Variants in ANKRD61 observed in about 807,000 individuals in gnomAD.
ANKRD61 encodes ankyrin repeat domain 61.
A neutral mutation model predicts 8.4 loss-of-function variants in ANKRD61; 7 were observed. The observed-to-expected ratio is 0.84, with a 90% CI of 0.48 to 1.57. ANKRD61 has a LOEUF of 1.57. ANKRD61 is among the 40% of genes most tolerant of loss of function. The pLI is 0.00. For missense variants in ANKRD61, 516 were observed against 523.4 expected, an observed-to-expected ratio of 0.99 and a Z score of 0.14; for synonymous variants, 198 against 208.0, an observed-to-expected ratio of 0.95 and a Z score of 0.41.
chr7:6,035,881 G>A lies in ANKRD61; in HGVS notation c.752G>A (p.Gly251Asp), dbSNP rs530109177. ...LAVCTASSKA[G>D]RLLGAGVSCI... ...GTGTGCACTGCATCAAGCAAAGCAG[G>A]CCGACTCCTCGGGGCGGGGGTCAGC... is the stretch of plus-strand genomic sequence containing the variant. The change falls in exon 3 of 3, where the codon GGC (glycine) becomes GAC (aspartate). Residue 251 changes from glycine to aspartate, a missense_variant. Transcript: ENST00000409061. This position sits in a 1 kb window ranked among gnomAD's most constrained non-coding sequence, Gnocchi z 5.5. The A allele has an allele frequency of 1.9e-5, 30 of 1,546,906 alleles. No individual in the cohort carries two copies. The African/African-American group carries it at 4.1e-4, about 21-fold the overall frequency.
At position 6,035,435 on chromosome 7, in the gene ANKRD61, C is replaced by T; in HGVS notation, c.315-9C>T. The T allele has an allele frequency of 6.5e-7, 1 of 1,545,602 alleles. No homozygotes were observed. The highest frequency in any genetic ancestry group is 8.7e-7 in the Non-Finnish European group (1 of 1,143,194). On this transcript the variant is annotated splice_polypyrimidine_tract_variant and intron_variant, in intron 2 of 2. Coordinates refer to ENST00000409061, the MANE Select transcript of ANKRD61 (RefSeq NM_001271700.2). The surrounding 1 kb of genome is among the most constrained non-coding windows in gnomAD (Gnocchi z 5.5). Reference sequence around the variant, plus strand: ...ATTCAGTGTAACGTGTAATCAATACCCATTCTAGGGACACGACAGGCCTCA... The same window carrying T: ...ATTCAGTGTAACGTGTAATCAATACTCATTCTAGGGACACGACAGGCCTCA...
Position 6,032,809 on chromosome 7 carries a change from C to T in ANKRD61, c.217-30C>T. Reference sequence around the variant, plus strand: ...CAGTATTTTTAACTACACAGGGCCACTTGTAATGTGTTTTGTTTTCCCTCC... The same window carrying T: ...CAGTATTTTTAACTACACAGGGCCATTTGTAATGTGTTTTGTTTTCCCTCC... On this transcript the variant is annotated intron_variant, in intron 1 of 2. Coordinates refer to ENST00000409061, the MANE Select transcript of ANKRD61 (RefSeq NM_001271700.2). The surrounding 1 kb of genome is among the most constrained non-coding windows in gnomAD (Gnocchi z 4.3). The T allele has an allele frequency of 6.6e-7, 1 of 1,524,758 alleles. No individual in the cohort carries two copies. Among genetic ancestry groups the T allele is most frequent in the African/African-American group, 1.4e-5 (1 of 72,490 alleles). 94.5% of individuals were successfully genotyped at this position (1,524,758 alleles called of 1,614,324 possible).
Position 6,035,785 on chromosome 7 carries a change from C to A in ANKRD61, c.656C>A (p.Thr219Lys). The A allele has an allele frequency of 1.3e-6, 2 of 1,551,078 alleles. No individual in the cohort carries two copies. Among genetic ancestry groups the A allele is most frequent in the Non-Finnish European group, 1.7e-6 (2 of 1,147,106 alleles). ...ATGCTGAATAAGGAGATGATGGAAA[C>A]GCTCATTGCCTATGGAGCAAACGTC... Reference protein sequence around the residue: ...ANMLNKEMMETLIAYGANVNC... With the variant: ...ANMLNKEMMEKLIAYGANVNC... The change falls in exon 3 of 3, where the codon ACG becomes AAG. Residue 219 changes from threonine (T) to lysine (K), a missense_variant. By Grantham distance (78) the Thr-to-Lys change is moderately conservative. Coordinates refer to ENST00000409061, the MANE Select transcript of ANKRD61 (RefSeq NM_001271700.2). This position sits in a 1 kb window ranked among gnomAD's most constrained non-coding sequence, Gnocchi z 5.5.
Position 6,036,274 on chromosome 7 carries a change from G to C in ANKRD61, c.1145G>C (p.Arg382Thr), listed in dbSNP as rs1019225420. The C allele has an allele frequency of 2.5e-5, 38 of 1,549,594 alleles. No homozygotes were observed. Among genetic ancestry groups the C allele is most frequent in the Non-Finnish European group, 3.0e-5 (34 of 1,146,810 alleles). ...TTATCCCTACAGGGTATCTGCAAAA[G>C]AAACATCAGGAATATTTATGGTGAG... ...KPLSLQGICKRNIRNIYGEKY... is the reference protein window; with the variant it reads ...KPLSLQGICKTNIRNIYGEKY... Residue 382 changes from arginine (R) to threonine (T), a missense_variant, in exon 3 of 3, where the codon AGA (arginine) becomes ACA (threonine). Coordinates refer to ENST00000409061, the MANE Select transcript of ANKRD61 (RefSeq NM_001271700.2). The surrounding 1 kb of genome is among the most constrained non-coding windows in gnomAD (Gnocchi z 4.6).
chr7:6,035,609 C>CA lies in ANKRD61; in HGVS notation c.481dup (p.Thr161AsnfsTer38). 6.4e-7 allele frequency: 1 copy of CA among 1,551,034 alleles called. No homozygotes were observed. The highest frequency in any genetic ancestry group is 8.7e-7 in the Non-Finnish European group (1 of 1,147,102). On this transcript the variant is annotated frameshift_variant, in exon 3 of 3. Coordinates refer to ENST00000409061, the MANE Select transcript of ANKRD61 (RefSeq NM_001271700.2). LOFTEE classifies it low-confidence loss of function (END_TRUNC). The surrounding 1 kb of genome is among the most constrained non-coding windows in gnomAD (Gnocchi z 5.5). ...TGTGTGCGCACGGAGCTCAAGTGAA[C>CA]ACTCAAGGGGAAATCAGCAACAAAC...
At position 6,033,478 on chromosome 7, in the gene ANKRD61, A is replaced by G. The variant is rs1311972982; in HGVS notation, c.314+542A>G. 6.6e-6 allele frequency among the ~76,000 whole-genome samples: 1 copy of G among 152,238 alleles called. No homozygotes were observed. Among genetic ancestry groups the G allele is most frequent in the Non-Finnish European group, 1.5e-5 (1 of 68,044 alleles). Reference sequence around the variant, plus strand: ...TGCACATTCTGAGGATTAAGAGCTCAATGGTGGTGTTGTGAGGAATGCAGT... The same window carrying G: ...TGCACATTCTGAGGATTAAGAGCTCGATGGTGGTGTTGTGAGGAATGCAGT... On this transcript the variant is annotated intron_variant, in intron 2 of 2. Transcript: ENST00000409061. The surrounding 1 kb of genome is among the most constrained non-coding windows in gnomAD (Gnocchi z 4.4).
Position 6,036,155 on chromosome 7 carries a change from A to C in ANKRD61, c.1026A>C (p.Arg342Ser), listed in dbSNP as rs556825699. ...ARLLYHTYPL[R>S]MTNNQGILPA... ...TACTTTATCACACTTATCCTCTGAGAATGACCAATAACCAAGGAATTCTAC... is the reference window on the plus strand; with the variant it reads ...TACTTTATCACACTTATCCTCTGAGCATGACCAATAACCAAGGAATTCTAC... The change falls in exon 3 of 3, where the codon AGA (arginine) becomes AGC (serine). Residue 342 changes from arginine (R) to serine (S), a missense_variant. By Grantham distance (110) the Arg-to-Ser change is moderately radical. Coordinates refer to ENST00000409061, the MANE Select transcript of ANKRD61 (RefSeq NM_001271700.2). This position sits in a 1 kb window ranked among gnomAD's most constrained non-coding sequence, Gnocchi z 4.6. 6.5e-7 allele frequency: 1 copy of C among 1,550,204 alleles called. No homozygotes were observed. Among genetic ancestry groups the C allele is most frequent in the East Asian group, 2.4e-5 (1 of 40,920 alleles).
intron 2 of ANKRD61, among the ~76,000 whole-genome samples, chr7:6,034,749 T>C (rs1374229837): frequency 6.6e-6 from 1 of 152,180 alleles, no homozygotes. Context: ...TTCCTTTTGC[T>C]CTGCCAAAAC....
chr7:6,035,834 G>T lies in ANKRD61; in HGVS notation c.705G>T (p.Gly235=). Residue 235 remains glycine (G), a synonymous_variant, in exon 3 of 3, where the codon GGG becomes GGT. Coordinates refer to ENST00000409061, the MANE Select transcript of ANKRD61 (RefSeq NM_001271700.2). The surrounding 1 kb of genome is among the most constrained non-coding windows in gnomAD (Gnocchi z 5.5). ...ANVNCAVSST[G]NTPLKLAVCT... ...TCAACTGTGCTGTCTCTTCCACGGG[G>T]AACACGCCCCTGAAGCTTGCAGTGT... The T allele has an allele frequency of 6.5e-7, 1 of 1,548,978 alleles. No individual in the cohort carries two copies. Among genetic ancestry groups the T allele is most frequent in the Non-Finnish European group, 8.7e-7 (1 of 1,145,648 alleles).
At position 6,032,690 on chromosome 7, in the gene ANKRD61, A is replaced by G; in HGVS notation, c.217-149A>G. 1.8e-6 allele frequency: 1 copy of G among 552,918 alleles called. No homozygotes were observed. Among genetic ancestry groups the G allele is most frequent in the East Asian group, 3.2e-5 (1 of 31,468 alleles). The allele number at this position is 552,918 out of a possible 1,614,324, so 34.3% of individuals were successfully genotyped here. On this transcript the variant is annotated intron_variant, in intron 1 of 2. Coordinates refer to ENST00000409061, the MANE Select transcript of ANKRD61 (RefSeq NM_001271700.2). This position sits in a 1 kb window ranked among gnomAD's most constrained non-coding sequence, Gnocchi z 4.3. ...ATTTTGATCATTTAAAACAGGTAGT[A>G]GAAAGGAAACTTTCAATGCACATAC...
Position 6,035,599 on chromosome 7 carries a change from C to G in ANKRD61, c.470C>G (p.Ala157Gly). ...CTCCGCATCTTGTGTGCGCACGGAG[C>G]TCAAGTGAACACTCAAGGGGAAATC... ...TCLRILCAHG[A>G]QVNTQGEISN... Residue 157 changes from alanine (A) to glycine (G), a missense_variant, in exon 3 of 3, where the codon GCT (alanine) becomes GGT (glycine). Transcript: ENST00000409061. This position sits in a 1 kb window ranked among gnomAD's most constrained non-coding sequence, Gnocchi z 5.5. 6.4e-7 allele frequency: 1 copy of G among 1,551,038 alleles called. No homozygotes were observed. Among genetic ancestry groups the G allele is most frequent in the Non-Finnish European group, 8.7e-7 (1 of 1,147,092 alleles).
In ANKRD61 at chr7:6,033,990, G is replaced by A. The variant is rs1046142570; in HGVS notation, c.314+1054G>A. Among the ~76,000 whole-genome samples the A allele has an allele frequency of 2.0e-5, 3 of 151,972 alleles. No homozygotes were observed. Among genetic ancestry groups the A allele is most frequent in the African/African-American group, 7.2e-5 (3 of 41,388 alleles). ...CAAATCAATGCCTGACACTTAGCAC[G>A]TGCTCAGTAATACTATCCGAGTGAA... On this transcript the variant is annotated intron_variant, in intron 2 of 2. Transcript: ENST00000409061. The surrounding 1 kb of genome is among the most constrained non-coding windows in gnomAD (Gnocchi z 4.4).
At position 6,032,953 on chromosome 7, in the gene ANKRD61, G is replaced by A. The variant is rs973235831; in HGVS notation, c.314+17G>A. On this transcript the variant is annotated intron_variant, in intron 2 of 2. Coordinates refer to ENST00000409061, the MANE Select transcript of ANKRD61 (RefSeq NM_001271700.2). This position sits in a 1 kb window ranked among gnomAD's most constrained non-coding sequence, Gnocchi z 4.3. ...AGAAGTCAGGTAAGTTAACTCCACC[G>A]AAAATCATTTCTTTTTTTTTCTTTT... 66 of 1,539,678 alleles carry A rather than the reference G, an allele frequency of 4.3e-5. No individual in the cohort carries two copies. The highest frequency in any genetic ancestry group is 5.3e-5 in the Non-Finnish European group (60 of 1,137,970).
At position 6,032,005 on chromosome 7, in the gene ANKRD61, C is replaced by G. The variant is rs1185649458; in HGVS notation, c.216+414C>G. On this transcript the variant is annotated intron_variant, in intron 1 of 2. Transcript: ENST00000409061. This position sits in a 1 kb window ranked among gnomAD's most constrained non-coding sequence, Gnocchi z 4.3. ...CCTGGCCAGCAGGGCAAAACCCCGT[C>G]TCTACTAAAAATACAAAAATTAGCC... 1.3e-5 allele frequency among the ~76,000 whole-genome samples: 2 copies of G among 152,226 alleles called. No individual in the cohort carries two copies. The highest frequency in any genetic ancestry group is 4.8e-5 in the African/African-American group (2 of 41,532).
rs531357401 is a variant in ANKRD61 at position 6,032,283 on chromosome 7, CA to C, written c.217-555del. Among the ~76,000 whole-genome samples, 1 of 152,288 alleles carries C rather than the reference CA, an allele frequency of 6.6e-6. No homozygotes were observed. Among genetic ancestry groups the C allele is most frequent in the South Asian group, 2.1e-4 (1 of 4,832 alleles). On this transcript the variant is annotated intron_variant, in intron 1 of 2. Coordinates refer to ENST00000409061, the MANE Select transcript of ANKRD61 (RefSeq NM_001271700.2). This position sits in a 1 kb window ranked among gnomAD's most constrained non-coding sequence, Gnocchi z 4.3. ...TTACAATTAAATTCAAAAAGGAAGTCACCCTCCCTTGTACCCTACTGTCTTA... is the reference window on the plus strand; with the variant it reads ...TTACAATTAAATTCAAAAAGGAAGTCCCCTCCCTTGTACCCTACTGTCTTA...
At position 6,036,543 on chromosome 7, in the gene ANKRD61, T is replaced by A. The variant is rs1363667031; in HGVS notation, c.*157T>A. On this transcript the variant is annotated 3_prime_UTR_variant, in exon 3 of 3. Transcript: ENST00000409061. The surrounding 1 kb of genome is among the most constrained non-coding windows in gnomAD (Gnocchi z 4.6). Reference sequence around the variant, plus strand: ...ACATGTTCCAAAATACAAAGTGATTTGTCTATTAACATTTTTGTTCCTAGG... The same window carrying A: ...ACATGTTCCAAAATACAAAGTGATTAGTCTATTAACATTTTTGTTCCTAGG... Among the ~76,000 whole-genome samples, 1 of 152,036 alleles carries A rather than the reference T, an allele frequency of 6.6e-6. No homozygotes were observed. The highest frequency in any genetic ancestry group is 1.9e-4 in the East Asian group (1 of 5,154).
chr7:6,034,838 G>C (rs1410625637), intron 2 of ANKRD61, among the ~76,000 whole-genome samples: 1 of 152,198 alleles, frequency 6.6e-6, no homozygotes, highest in Non-Finnish European at 1.5e-5. Flanking sequence ...AGCAGGGAAT[G>C]AACTTCGGAA....
rs1172237525 is a variant in ANKRD61 at position 6,033,949 on chromosome 7, T to C, written c.314+1013T>C. On this transcript the variant is annotated intron_variant, in intron 2 of 2. Transcript: ENST00000409061. The surrounding 1 kb of genome is among the most constrained non-coding windows in gnomAD (Gnocchi z 4.4). ...GAAGTTGACCTTGTGCACCACTGTATCTCCAGCACCTCAACCAAATCAATG... is the reference window on the plus strand; with the variant it reads ...GAAGTTGACCTTGTGCACCACTGTACCTCCAGCACCTCAACCAAATCAATG... Among the ~76,000 whole-genome samples, 2 of 151,996 alleles carry C rather than the reference T, an allele frequency of 1.3e-5. No homozygotes were observed. Among genetic ancestry groups the C allele is most frequent in the African/African-American group, 4.8e-5 (2 of 41,382 alleles).
At chr7:6,031,725 A>ACACTGCAGGCTTTGGGGAG in intron 1 of ANKRD61, 134 bp downstream of exon 1, 5 of 860,394 alleles carry the variant, frequency 5.8e-6, no homozygotes, top group Non-Finnish European at 9.0e-6. Flanking sequence ...CACTCCACAC[A>ACACTGCAGGCTTTGGGGAG]CACTGCAGTG....
Sources: allele counts gnomAD v4.1 joint callset (sites outside exome capture counted in the v4.1 genomes callset), GRCh38; gene constraint gnomAD v4.1.1; non-coding constraint Gnocchi (gnomAD v3.1); transcripts MANE v1.5; gene names NCBI Gene and HGNC (gene_info 2026-07-23, HGNC 2026-07-21).